UTRN: variants seen among roughly 807,000 people sequenced by gnomAD.
UTRN encodes dystrophin-related protein 1.
UTRN carries 283 observed loss-of-function variants against 463.9 expected under a neutral mutation model. That is an observed-to-expected ratio of 0.61 (90% confidence interval 0.55 to 0.67). The LOEUF is 0.67. Ranked by LOEUF, UTRN falls within the 30% of genes least tolerant of loss-of-function variation. The probability of loss-of-function intolerance (pLI) is 0.00; values close to 1 mark genes in which losing one functional copy is unlikely to be tolerated. For missense variants in UTRN, 3,922 were observed against 4,084.3 expected, an observed-to-expected ratio of 0.96 and a Z score of 1.08; for synonymous variants, 1,442 against 1,431.5, an observed-to-expected ratio of 1.01 and a Z score of -0.17.
chr6:144,754,804 T>G lies in UTRN; in HGVS notation c.8434+6T>G. On this transcript the variant is annotated splice_donor_region_variant and intron_variant, in intron 57 of 74. Transcript: ENST00000367545. ...CTCTCAGCATTTTCTCTCTAGTAAG[T>G]ACTAATAAACTGGACTGATCGCATT... The G allele has an allele frequency of 6.2e-7, 1 of 1,612,936 alleles. No individual in the cohort carries two copies. Among genetic ancestry groups the G allele is most frequent in the Non-Finnish European group, 8.5e-7 (1 of 1,179,278 alleles).
At chr6:144,750,381 C>T (rs535988480) in intron 55 of UTRN, among the ~76,000 whole-genome samples, 5 of 152,184 alleles carry the variant, frequency 3.3e-5, no homozygotes, top group East Asian at 1.9e-4. Context: ...AAGCAATTCC[C>T]ATGAATTTGT....
chr6:144,850,932 C>T, intron 74 of UTRN, 57 bp from the exon 75 acceptor site: 1 of 1,607,760 alleles, frequency 6.2e-7, no homozygotes. Context: ...TGACAGATCT[C>T]TGCTTCCTGT....
intron 71 of UTRN, among the ~76,000 whole-genome samples, chr6:144,837,434 A>C (rs887579967): frequency 6.6e-6 from 1 of 152,202 alleles, no homozygotes; most frequent in Non-Finnish European, 1.5e-5. Flanking sequence ...GATGTCTCAG[A>C]AGTAGTGATG....
At chr6:144,666,241 C>T (rs988003499) in intron 51 of UTRN, among the ~76,000 whole-genome samples, 9 of 152,240 alleles carry the variant, frequency 5.9e-5, no homozygotes, top group Middle Eastern at 3.4e-3. Context: ...TAGTGATCTA[C>T]GAAGAAACAT....
intron 51 of UTRN, among the ~76,000 whole-genome samples, chr6:144,672,172 A>G (rs563356101): frequency 3.3e-5 from 5 of 152,170 alleles, no homozygotes; most frequent in African/African-American, 1.2e-4. Flanking sequence ...CTGGCTTCGT[A>G]GAATGATTTA....
At chr6:144,431,148 A>G (rs955182662) in intron 9 of UTRN, among the ~76,000 whole-genome samples, 1 of 152,172 alleles carries the variant, frequency 6.6e-6, no homozygotes, top group Non-Finnish European at 1.5e-5. Context: ...TGAGTTTGTT[A>G]CAGGGTTTTA....
chr6:144,561,216 T>C (rs12664837), intron 50 of UTRN, among the ~76,000 whole-genome samples: 4,048 of 16,280 alleles, frequency 0.25, 493 homozygotes, highest in East Asian at 0.64. Flanking sequence ...TATATATATA[T>C]ATATATATAT....
intron 54 of UTRN, among the ~76,000 whole-genome samples, chr6:144,739,875 C>G (rs17074101): frequency 0.022 from 3,335 of 152,194 alleles, 53 homozygotes; most frequent in East Asian, 0.05. Context: ...AGACCTTCTT[C>G]ATAATATCAT....
intron 2 of UTRN, among the ~76,000 whole-genome samples, chr6:144,363,089 A>C (rs891256797): frequency 1.3e-5 from 2 of 152,192 alleles, no homozygotes; most frequent in Non-Finnish European, 2.9e-5. Context: ...TATGTTTTTA[A>C]AAGATTTTTT....
At chr6:144,353,394 G>A (rs542857506) in intron 2 of UTRN, among the ~76,000 whole-genome samples, 7 of 150,906 alleles carry the variant, frequency 4.6e-5, no homozygotes, top group East Asian at 2.0e-4. Context: ...GATTTTAGGC[G>A]TGAACCAACG....
At chr6:144,691,100 C>G (rs776536890) in intron 52 of UTRN, among the ~76,000 whole-genome samples, 1 of 152,162 alleles carries the variant, frequency 6.6e-6, no homozygotes, top group Non-Finnish European at 1.5e-5. Context: ...TATGCTAGAT[C>G]TACAATATTT....
At chr6:144,679,834 A>C (rs1338192108) in intron 52 of UTRN, among the ~76,000 whole-genome samples, 1 of 152,122 alleles carries the variant, frequency 6.6e-6, no homozygotes, top group African/African-American at 2.4e-5. Flanking sequence ...CAGAGAGTGG[A>C]ATTTGCAGTT....
chr6:144,763,589 T>G (rs1456200486), intron 58 of UTRN, among the ~76,000 whole-genome samples: 5 of 152,200 alleles, frequency 3.3e-5, no homozygotes, highest in African/African-American at 1.2e-4. Context: ...TCATGCATAC[T>G]TCTTTAGAAG....
intron 2 of UTRN, among the ~76,000 whole-genome samples, chr6:144,298,112 A>ATT (rs150044264): frequency 4.6e-5 from 7 of 151,462 alleles, no homozygotes; most frequent in Non-Finnish European, 1.0e-4. Flanking sequence ...CATTGGCTGG[A>ATT]TTTTTTTTTC....
At chr6:144,335,747 A>C (rs368676936) in intron 2 of UTRN, among the ~76,000 whole-genome samples, 2 of 152,134 alleles carry the variant, frequency 1.3e-5, no homozygotes, top group African/African-American at 4.8e-5. Flanking sequence ...GATAATTGTG[A>C]CTTGAATTCT....
At chr6:144,688,404 GA>G (rs1250470683) in intron 52 of UTRN, among the ~76,000 whole-genome samples, 1 of 152,116 alleles carries the variant, frequency 6.6e-6, no homozygotes, top group Non-Finnish European at 1.5e-5. Context: ...TTTATTGCTG[GA>G]GAGCTAGTGT....
intron 64 of UTRN, among the ~76,000 whole-genome samples, chr6:144,800,510 A>G (rs1777609582): frequency 6.6e-6 from 1 of 152,164 alleles, no homozygotes; most frequent in South Asian, 2.1e-4. Flanking sequence ...TATTCAGGAG[A>G]TAGTGTATTG....
intron 62 of UTRN, among the ~76,000 whole-genome samples, chr6:144,792,325 A>G (rs9497084): frequency 6.6e-6 from 1 of 152,160 alleles, no homozygotes; most frequent in Admixed American, 6.5e-5. Flanking sequence ...TGTAGGGCAG[A>G]TCAACTGTGA....
intron 2 of UTRN, among the ~76,000 whole-genome samples, chr6:144,318,254 G>T (rs1406813311): frequency 1.3e-5 from 2 of 152,022 alleles, no homozygotes; most frequent in Non-Finnish European, 2.9e-5. Flanking sequence ...AAGAAATAAA[G>T]TGTTGCTTAG....
Sources: gnomAD v4.1 joint callset for allele counts (sites outside exome capture counted in the v4.1 genomes callset) on GRCh38, gnomAD v4.1.1 for gene constraint, MANE v1.5 for transcripts, NCBI Gene and HGNC (gene_info 2026-07-23, HGNC 2026-07-21) for gene names.